The following NEGR1 variants were observed in gnomAD, a reference collection of about 807,000 sequenced individuals.
The protein encoded by NEGR1 is IgLON family member 4.
In NEGR1, 10 loss-of-function variants were observed where a neutral mutation model predicts 40.9. That is an observed-to-expected ratio of 0.24 (90% confidence interval 0.15 to 0.42). The LOEUF (loss-of-function observed/expected upper bound fraction) is 0.42, where lower values mean the gene tolerates loss of function less well. Among genes scored for constraint, NEGR1 ranks in the 10% least tolerant of loss-of-function variants. The pLI is 1.00. For synonymous variants in NEGR1, 185 were observed against 166.8 expected (o/e 1.11, Z -0.84); for missense variants, 352 against 438.9 (o/e 0.80, Z 1.77).
chr1:71,451,590 C>T (rs1002656217), intron 6 of NEGR1, among the ~76,000 whole-genome samples: 4 of 152,090 alleles, frequency 2.6e-5, no homozygotes, highest in African/African-American at 9.7e-5. Flanking sequence ...CCCACCTCAG[C>T]CTCCCAAAGT....
intron 6 of NEGR1, among the ~76,000 whole-genome samples, chr1:71,431,960 G>A (rs1389419653): frequency 6.6e-6 from 1 of 152,160 alleles, no homozygotes; most frequent in Non-Finnish European, 1.5e-5. Flanking sequence ...AGGCCCTGAG[G>A]TAGGAGCATG....
intron 1 of NEGR1, among the ~76,000 whole-genome samples, chr1:72,140,020 C>A (rs1277797758): frequency 6.6e-6 from 1 of 152,016 alleles, no homozygotes; most frequent in Non-Finnish European, 1.5e-5. Flanking sequence ...AATCACACTA[C>A]AATTCCATAT....
At chr1:71,833,215 G>A (rs1400213569) in intron 2 of NEGR1, among the ~76,000 whole-genome samples, 1 of 151,948 alleles carries the variant, frequency 6.6e-6, no homozygotes, top group Non-Finnish European at 1.5e-5. Flanking sequence ...TAAGTCAAAT[G>A]CATTATGAAC....
chr1:72,132,057 C>T (rs1044350804), intron 1 of NEGR1, among the ~76,000 whole-genome samples: 1 of 152,054 alleles, frequency 6.6e-6, no homozygotes, highest in Admixed American at 6.6e-5. Context: ...CTAGATTCCA[C>T]CACTGTACTC....
chr1:71,448,579 A>G (rs1219361591), intron 6 of NEGR1, among the ~76,000 whole-genome samples: 1 of 152,064 alleles, frequency 6.6e-6, no homozygotes, highest in Non-Finnish European at 1.5e-5. Flanking sequence ...AGCCTGGGCG[A>G]GAGAGGGAGA....
At chr1:71,710,423 T>C (rs1487261119) in intron 3 of NEGR1, among the ~76,000 whole-genome samples, 1 of 152,196 alleles carries the variant, frequency 6.6e-6, no homozygotes, top group East Asian at 1.9e-4. Context: ...GTATCTGTAC[T>C]CCTATGTTTG....
At chr1:71,851,496 T>C (rs1659600605) in intron 2 of NEGR1, among the ~76,000 whole-genome samples, 2 of 152,220 alleles carry the variant, frequency 1.3e-5, no homozygotes, top group Non-Finnish European at 2.9e-5. Flanking sequence ...TAACACTTTT[T>C]AATTCATGTA....
At chr1:71,947,149 T>C (rs1213096046) in intron 1 of NEGR1, among the ~76,000 whole-genome samples, 1 of 148,410 alleles carries the variant, frequency 6.7e-6, no homozygotes, top group African/African-American at 2.5e-5. Flanking sequence ...TATATATATA[T>C]GGATAACTTT....
At chr1:71,950,836 T>G (rs17091972) in intron 1 of NEGR1, among the ~76,000 whole-genome samples, 18,268 of 152,000 alleles carry the variant, frequency 0.12, 1,149 homozygotes, top group South Asian at 0.18. Context: ...CCTGACTCGC[T>G]TCTGATGCAA....
At chr1:71,882,726 GA>G (rs199916045) in intron 2 of NEGR1, among the ~76,000 whole-genome samples, 585 of 120,250 alleles carry the variant, frequency 4.9e-3, no homozygotes, top group African/African-American at 0.016. Flanking sequence ...ATCGTCTTCA[GA>G]AAAAAAAAAA....
At chr1:72,207,047 T>G (rs904792490) in intron 1 of NEGR1, among the ~76,000 whole-genome samples, 1 of 138,004 alleles carries the variant, frequency 7.2e-6, no homozygotes, top group African/African-American at 2.7e-5. Flanking sequence ...GAATTGGAAA[T>G]AAGTGTTTGA....
intron 6 of NEGR1, among the ~76,000 whole-genome samples, chr1:71,558,446 T>C (rs1488798291): frequency 6.6e-6 from 1 of 151,636 alleles, no homozygotes; most frequent in Non-Finnish European, 1.5e-5. Context: ...GTTCTGATGG[T>C]GTTTCTCTGT....
intron 6 of NEGR1, among the ~76,000 whole-genome samples, chr1:71,451,288 C>G (rs1182357388): frequency 1.3e-5 from 2 of 151,304 alleles, no homozygotes; most frequent in Non-Finnish European, 2.9e-5. Flanking sequence ...AAAATGATCC[C>G]AGGAAAGAAC....
intron 1 of NEGR1, among the ~76,000 whole-genome samples, chr1:72,267,067 ATTTG>A (rs965883723): frequency 6.6e-6 from 1 of 150,938 alleles, no homozygotes; most frequent in African/African-American, 2.4e-5. Flanking sequence ...TACTGGCAAC[ATTTG>A]TTTATTTTGT....
At chr1:71,506,172 A>G (rs1019646072) in intron 6 of NEGR1, among the ~76,000 whole-genome samples, 2 of 152,206 alleles carry the variant, frequency 1.3e-5, no homozygotes, top group African/African-American at 4.8e-5. Flanking sequence ...ATCTCAAATT[A>G]CTAAAAAAGG....
intron 1 of NEGR1, among the ~76,000 whole-genome samples, chr1:72,036,346 C>G (rs1198661184): frequency 6.6e-6 from 1 of 151,974 alleles, no homozygotes; most frequent in Non-Finnish European, 1.5e-5. Flanking sequence ...AATGTGCACA[C>G]TACAAAGGTA....
At chr1:72,003,959 A>C (rs1268361173) in intron 1 of NEGR1, among the ~76,000 whole-genome samples, 1 of 152,128 alleles carries the variant, frequency 6.6e-6, no homozygotes, top group East Asian at 1.9e-4. Flanking sequence ...GATAGACAAT[A>C]AATGAGAGAT....
At chr1:71,794,850 A>G (rs187659235) in intron 2 of NEGR1, among the ~76,000 whole-genome samples, 1 of 152,152 alleles carries the variant, frequency 6.6e-6, no homozygotes, top group East Asian at 1.9e-4. Flanking sequence ...CAAACAAAAG[A>G]TTAGTATTCT....
intron 3 of NEGR1, among the ~76,000 whole-genome samples, chr1:71,748,717 A>C (rs1484007002): frequency 6.6e-6 from 1 of 152,142 alleles, no homozygotes; most frequent in Non-Finnish European, 1.5e-5. Context: ...CCTAAGGACT[A>C]TTCGGTGCTC....
Sources: gnomAD v4.1 joint callset for allele counts (sites outside exome capture counted in the v4.1 genomes callset) on GRCh38, gnomAD v4.1.1 for gene constraint, MANE v1.5 for transcripts, NCBI Gene and HGNC (gene_info 2026-07-23, HGNC 2026-07-21) for gene names.